Variants in EHMT1 observed in about 807,000 individuals in gnomAD.
EHMT1 encodes the protein histone-lysine N-methyltransferase EHMT1.
A neutral mutation model predicts 147.2 loss-of-function variants in EHMT1; 15 were observed. The ratio of observed to expected loss-of-function variants is 0.10; its 90% CI spans 0.07 to 0.16. The LOEUF (loss-of-function observed/expected upper bound fraction) is 0.16, where lower values mean the gene tolerates loss of function less well. Among genes scored for constraint, EHMT1 ranks in the 10% least tolerant of loss-of-function variants. The pLI is 1.00. For synonymous variants in EHMT1, 795 were observed against 709.6 expected, an observed-to-expected ratio of 1.12 and a Z score of -1.91; for missense variants, 1,587 against 1,772.4, an observed-to-expected ratio of 0.90 and a Z score of 1.88.
chr9:137,788,008 G>A lies in EHMT1; in HGVS notation c.2383-2840G>A, dbSNP rs181460719. ...GAGGTGCCCTGCAGTAAGTGGAGAG[G>A]CCAGGCCCTAGGCTCCGGGAAGAGG... On this transcript the variant is annotated intron_variant, in intron 15 of 26. Coordinates refer to ENST00000460843, the MANE Select transcript of EHMT1 (RefSeq NM_024757.5). The A allele has an allele frequency of 1.2e-4, 180 of 1,448,810 alleles. No individual in the cohort carries two copies. In the East Asian group the frequency reaches 4.1e-3, roughly 33 times the overall value. 89.7% of individuals were successfully genotyped at this position (1,448,810 alleles called of 1,614,324 possible).
chr9:137,707,256 TG>T (rs1944347156), intron 1 of EHMT1, among the ~76,000 whole-genome samples: 1 of 152,216 alleles, frequency 6.6e-6, no homozygotes, highest in Non-Finnish European at 1.5e-5. Context: ...CAGCCTGTGG[TG>T]CTTCAGCACC....
At position 137,742,126 on chromosome 9, in the gene EHMT1, G is replaced by C. The variant is rs574197937; in HGVS notation, c.824-1245G>C. Among the ~76,000 whole-genome samples, 3 of 152,264 alleles carry C rather than the reference G, an allele frequency of 2.0e-5. No individual in the cohort carries two copies. In the East Asian group the frequency reaches 5.8e-4, roughly 29 times the overall value. ...CATACTGCAGACGCCTGGTGTGATC[G>C]TTTCCCAGCGTCCGTGGTCCCAGGC... On this transcript the variant is annotated intron_variant, in intron 4 of 26. Transcript: ENST00000460843.
chr9:137,779,938 G>A (rs903877108), intron 14 of EHMT1, among the ~76,000 whole-genome samples: 2 of 152,192 alleles, frequency 1.3e-5, no homozygotes. Flanking sequence ...TATTCTCTAC[G>A]AAGTTCTAAT....
chr9:137,662,410 C>T (rs1185663936), intron 1 of EHMT1, among the ~76,000 whole-genome samples: 1 of 152,126 alleles, frequency 6.6e-6, no homozygotes, highest in African/African-American at 2.4e-5. Flanking sequence ...GTTGCCCAGG[C>T]TGGTCTTGAA....
chr9:137,732,700 C>T lies in EHMT1; in HGVS notation c.823+4171C>T, dbSNP rs776485872. Among the ~76,000 whole-genome samples, 3 of 152,138 alleles carry T rather than the reference C, an allele frequency of 2.0e-5. No homozygotes were observed. The highest frequency in any genetic ancestry group is 4.4e-5 in the Non-Finnish European group (3 of 68,016). ...AGCCCGGTTTTCAGGCTTCAGGCGG[C>T]CTTTGGCTTGAAGGTCAGGTTTCAC... On this transcript the variant is annotated intron_variant, in intron 4 of 26. Transcript: ENST00000460843. The surrounding 1 kb of genome is among the most constrained non-coding windows in gnomAD (Gnocchi z 4.6).
At chr9:137,738,150 G>C (rs926631790) in intron 4 of EHMT1, among the ~76,000 whole-genome samples, 68 of 150,848 alleles carry the variant, frequency 4.5e-4, no homozygotes, top group African/African-American at 1.6e-3. Flanking sequence ...GCCGAGATCG[G>C]ACCACTGCAC....
Position 137,777,318 on chromosome 9 carries a change from CAA to C in EHMT1, c.2018+477_2018+478del, listed in dbSNP as rs1235307560. On this transcript the variant is annotated intron_variant, in intron 12 of 26. Transcript: ENST00000460843. ...AAACAGCTGAAAAATTTTTAGAGCT[CAA>C]AAGAGTCAGTAAGAGGATCTGATAA... The C allele has an allele frequency of 2.1e-5, 4 of 189,832 alleles. 1 individual carries two copies. In the South Asian group the frequency reaches 4.0e-4, roughly 19 times the overall value. 11.8% of individuals were successfully genotyped at this position (189,832 alleles called of 1,614,324 possible). A position where few individuals can be genotyped will look rare whatever the true frequency, so the allele number is the denominator to read the frequency against.
intron 1 of EHMT1, among the ~76,000 whole-genome samples, chr9:137,651,899 C>G (rs1442148102): frequency 6.6e-6 from 1 of 152,206 alleles, no homozygotes; most frequent in African/African-American, 2.4e-5. Flanking sequence ...GTAAACAAAC[C>G]TACTCTGCTA....
Position 137,716,951 on chromosome 9 carries a change from G to C in EHMT1, c.411G>C (p.Leu137Phe). The C allele has an allele frequency of 4.3e-6, 7 of 1,612,894 alleles. No homozygotes were observed. Among genetic ancestry groups the C allele is most frequent in the Non-Finnish European group, 5.1e-6 (6 of 1,179,822 alleles). Reference protein sequence around the residue: ...LNKPALQAQPLRTTSTLASSL... With the variant: ...LNKPALQAQPFRTTSTLASSL... ...AGCCGGCCCTACAGGCACAGCCCTT[G>C]AGGACTACCAGCACTCTGGCCTCTT... The change falls in exon 3 of 27, where the codon TTG (leucine) becomes TTC (phenylalanine). Residue 137 changes from leucine (L) to phenylalanine (F), a missense_variant. By Grantham distance (22) the Leu-to-Phe change is conservative. Transcript: ENST00000460843.
chr9:137,762,958 C>A, intron 10 of EHMT1, 138 bp downstream of exon 10: 1 of 1,104,692 alleles, frequency 9.1e-7, no homozygotes, highest in Non-Finnish European at 1.3e-6. Context: ...TGCGCAGAAC[C>A]AATCGAGCAG....
intron 9 of EHMT1, among the ~76,000 whole-genome samples, chr9:137,759,201 G>A (rs1421602032): frequency 1.3e-5 from 2 of 152,044 alleles, no homozygotes; most frequent in Non-Finnish European, 2.9e-5. Context: ...TCATGGAAAC[G>A]ATGATATTTT....
intron 1 of EHMT1, among the ~76,000 whole-genome samples, chr9:137,707,977 C>G (rs1418374304): frequency 2.2e-4 from 33 of 152,132 alleles, no homozygotes; most frequent in Admixed American, 2.1e-3. Context: ...ATTGAGGACC[C>G]CAGAGGGCTC....
chr9:137,636,978 A>G lies in EHMT1; in HGVS notation c.21+17929A>G, dbSNP rs1249534991. 2.0e-5 allele frequency among the ~76,000 whole-genome samples: 3 copies of G among 148,898 alleles called. 1 individual carries two copies. The highest frequency in any genetic ancestry group is 4.4e-5 in the Non-Finnish European group (3 of 67,416). Reference sequence around the variant, plus strand: ...AGTGGCGCGATGTCAGCTCACTGCAAGCTCTGCCTCCTGGGTTCACGCCAT... The same window carrying G: ...AGTGGCGCGATGTCAGCTCACTGCAGGCTCTGCCTCCTGGGTTCACGCCAT... On this transcript the variant is annotated intron_variant, in intron 1 of 26. Transcript: ENST00000460843.
At chr9:137,715,316 TACTC>T (rs1945109330) in intron 2 of EHMT1, among the ~76,000 whole-genome samples, 1 of 152,262 alleles carries the variant, frequency 6.6e-6, no homozygotes, top group Non-Finnish European at 1.5e-5. Context: ...AGTTTCCACT[TACTC>T]TGTTTTGTTA....
intron 4 of EHMT1, among the ~76,000 whole-genome samples, chr9:137,740,007 T>C (rs1947910485): frequency 6.6e-6 from 1 of 152,180 alleles, no homozygotes; most frequent in African/African-American, 2.4e-5. Flanking sequence ...GGCAGAGTTG[T>C]GGTGGTGACC....
chr9:137,672,399 AAC>A (rs755386333), intron 1 of EHMT1, among the ~76,000 whole-genome samples: 1 of 152,230 alleles, frequency 6.6e-6, no homozygotes, highest in Non-Finnish European at 1.5e-5. Flanking sequence ...TTGACATAGT[AAC>A]ACTAACTCGG....
chr9:137,647,012 C>G (rs1471591989), intron 1 of EHMT1, among the ~76,000 whole-genome samples: 1 of 152,144 alleles, frequency 6.6e-6, no homozygotes, highest in Non-Finnish European at 1.5e-5. Flanking sequence ...CTTACTGGTT[C>G]TTTCACCAGC....
chr9:137,832,642 C>A (rs538288106), intron 25 of EHMT1: 214 of 154,940 alleles, frequency 1.4e-3, no homozygotes, highest in Non-Finnish European at 2.3e-3. Flanking sequence ...CTCCAGCCGT[C>A]CTTCTCTGGA....
In EHMT1 at chr9:137,813,410, C is replaced by T. The variant is rs552018034; in HGVS notation, c.3060C>T (p.Arg1020=). The change falls in exon 21 of 27, where the codon CGC becomes CGT. Residue 1020 remains arginine, a synonymous_variant. Transcript: ENST00000460843. The surrounding 1 kb of genome is among the most constrained non-coding windows in gnomAD (Gnocchi z 4.9). ...VSRDIARGYE[R]IPIPCVNAVD... ...GGGACATCGCTCGAGGCTACGAGCG[C>T]ATCCCCATCCCCTGTGTCAACGCCG... 7 of 1,613,122 alleles carry T rather than the reference C, an allele frequency of 4.3e-6. No individual in the cohort carries two copies. The South Asian group carries it at 6.6e-5, about 15-fold the overall frequency.
Sources: allele counts gnomAD v4.1 joint callset (sites outside exome capture counted in the v4.1 genomes callset), GRCh38; gene constraint gnomAD v4.1.1; non-coding constraint Gnocchi (gnomAD v3.1); transcripts MANE v1.5; gene names NCBI Gene and HGNC (gene_info 2026-07-23, HGNC 2026-07-21).